The following ST3GAL4 variants were observed in gnomAD, a reference collection of about 807,000 sequenced individuals.
The protein encoded by ST3GAL4 is ST3 beta-galactoside alpha-2,3-sialyltransferase 4.
A neutral mutation model predicts 42.6 loss-of-function variants in ST3GAL4; 24 were observed. That is an observed-to-expected ratio of 0.56 (90% confidence interval 0.41 to 0.79). The LOEUF is 0.79. Ranked by LOEUF, ST3GAL4 falls within the 30% of genes least tolerant of loss-of-function variation. The probability of loss-of-function intolerance (pLI) is 0.00; values close to 1 mark genes in which losing one functional copy is unlikely to be tolerated. For missense variants in ST3GAL4, 311 were observed against 430.8 expected (o/e 0.72, Z 2.46); for synonymous variants, 135 against 163.2 (o/e 0.83, Z 1.32).
intron 1 of ST3GAL4, among the ~76,000 whole-genome samples, chr11:126,365,927 G>T (rs867295610): frequency 3.4e-4 from 52 of 152,314 alleles, no homozygotes; most frequent in Middle Eastern, 3.4e-3. Flanking sequence ...GCCACAGGCT[G>T]CCCTGGGACA....
At chr11:126,382,124 C>T (rs618902) in intron 1 of ST3GAL4, among the ~76,000 whole-genome samples, 16 of 151,286 alleles carry the variant, frequency 1.1e-4, no homozygotes, top group South Asian at 4.2e-4. Flanking sequence ...GAGCAAGAAG[C>T]GAATGTTCTC....
rs1953233689 is a variant in ST3GAL4, at chr11:126,386,549, T to C, written c.-60-19547T>C. 6.6e-6 allele frequency among the ~76,000 whole-genome samples: 1 copy of C among 152,078 alleles called. No homozygotes were observed. The highest frequency in any genetic ancestry group is 6.5e-5 in the Admixed American group (1 of 15,278). Reference sequence around the variant, plus strand: ...GTGGCTCTCCTGGGACACAGGTTAGTCCTGTGGGTGACCTCACTTTAGAGA... The same window carrying C: ...GTGGCTCTCCTGGGACACAGGTTAGCCCTGTGGGTGACCTCACTTTAGAGA... On this transcript the variant is annotated intron_variant, in intron 1 of 10. Coordinates refer to ENST00000444328, the MANE Select transcript of ST3GAL4 (RefSeq NM_001254757.2). This position sits in a 1 kb window ranked among gnomAD's most constrained non-coding sequence, Gnocchi z 4.7.
At chr11:126,361,992 C>T (rs1483034040) in intron 1 of ST3GAL4, among the ~76,000 whole-genome samples, 1 of 149,616 alleles carries the variant, frequency 6.7e-6, no homozygotes, top group Non-Finnish European at 1.5e-5. Flanking sequence ...AGTGATTCTC[C>T]TGCCTCAGCC....
At chr11:126,375,342 G>A (rs1019287437) in intron 1 of ST3GAL4, among the ~76,000 whole-genome samples, 4 of 152,334 alleles carry the variant, frequency 2.6e-5, no homozygotes, top group Non-Finnish European at 4.4e-5. Flanking sequence ...CTTCGTCACT[G>A]TGCGGAGCCT....
At chr11:126,361,573 G>T (rs906524744) in intron 1 of ST3GAL4, among the ~76,000 whole-genome samples, 104 of 151,976 alleles carry the variant, frequency 6.8e-4, no homozygotes, top group African/African-American at 2.4e-3. Flanking sequence ...GGAAGCCTCC[G>T]TGGCCACCCA....
rs565052759 is a variant in ST3GAL4 at position 126,381,097 on chromosome 11, G to T, written c.-60-24999G>T. 2.0e-5 allele frequency among the ~76,000 whole-genome samples: 3 copies of T among 152,326 alleles called. No individual in the cohort carries two copies. In the South Asian group the frequency reaches 6.2e-4, roughly 32 times the overall value. ...CAACCCGGGCCTGTGGTGCTGTCCT[G>T]CCCCTAGCCCAGAGCTGGCCTCTGT... On this transcript the variant is annotated intron_variant, in intron 1 of 10. Coordinates refer to ENST00000444328, the MANE Select transcript of ST3GAL4 (RefSeq NM_001254757.2).
chr11:126,369,914 G>GT (rs1412205163), intron 1 of ST3GAL4, among the ~76,000 whole-genome samples: 2 of 152,162 alleles, frequency 1.3e-5, no homozygotes, highest in African/African-American at 4.8e-5. Flanking sequence ...GGAGATCACT[G>GT]TTTTACACCT....
At chr11:126,388,679 T>TTTTTTTTTTTTTTTTTTTTTTTTC (rs1239186575) in intron 1 of ST3GAL4, among the ~76,000 whole-genome samples, 4 of 122,642 alleles carry the variant, frequency 3.3e-5, no homozygotes, top group African/African-American at 1.0e-4. Context: ...TTTTTTTTTT[T>TTTTTTTTTTTTTTTTTTTTTTTTC]TTCTGATTTA....
rs757054521 is a variant in ST3GAL4 at position 126,378,642 on chromosome 11, C to T, written c.-61+22800C>T. On this transcript the variant is annotated intron_variant, in intron 1 of 10. Coordinates refer to ENST00000444328, the MANE Select transcript of ST3GAL4 (RefSeq NM_001254757.2). This position sits in a 1 kb window ranked among gnomAD's most constrained non-coding sequence, Gnocchi z 5.3. ...CAGGATGGTCTCGATCTCCTGACCT[C>T]GTGATCCACCCTCCTCGGCCCCCCA... 6.6e-6 allele frequency among the ~76,000 whole-genome samples: 1 copy of T among 152,144 alleles called. No homozygotes were observed. The highest frequency in any genetic ancestry group is 1.5e-5 in the Non-Finnish European group (1 of 68,026).
chr11:126,385,250 G>C (rs974408431), intron 1 of ST3GAL4, among the ~76,000 whole-genome samples: 2 of 151,812 alleles, frequency 1.3e-5, no homozygotes, highest in Admixed American at 6.6e-5. Context: ...TGCCTCCCGG[G>C]TTCACACCAT....
chr11:126,391,679 T>C lies in ST3GAL4; in HGVS notation c.-60-14417T>C, dbSNP rs1463655135. 6.6e-6 allele frequency among the ~76,000 whole-genome samples: 1 copy of C among 151,836 alleles called. No homozygotes were observed. Among genetic ancestry groups the C allele is most frequent in the African/African-American group, 2.4e-5 (1 of 41,318 alleles). ...ACAAGGTCCTGTGTAGCATCTGGTG[T>C]GGACCCAGCAGCCAGGAGGAGAGCT... On this transcript the variant is annotated intron_variant, in intron 1 of 10. Coordinates refer to ENST00000444328, the MANE Select transcript of ST3GAL4 (RefSeq NM_001254757.2). This position sits in a 1 kb window ranked among gnomAD's most constrained non-coding sequence, Gnocchi z 5.5.
intron 1 of ST3GAL4, among the ~76,000 whole-genome samples, chr11:126,371,192 TCTCA>T (rs1400268953): frequency 2.4e-5 from 3 of 123,856 alleles, no homozygotes; most frequent in African/African-American, 9.4e-5. Flanking sequence ...TGAGATGGAG[TCTCA>T]CTCTGTTGCC....
chr11:126,402,787 A>G (rs755445365), intron 1 of ST3GAL4, among the ~76,000 whole-genome samples: 4 of 152,150 alleles, frequency 2.6e-5, no homozygotes, highest in Non-Finnish European at 5.9e-5. Flanking sequence ...CTTGTCCCCC[A>G]GTTCTGCCCT....
intron 1 of ST3GAL4, chr11:126,403,137 T>G (rs1954081159): frequency 1.3e-5 from 2 of 154,334 alleles, no homozygotes; most frequent in South Asian, 4.1e-4. Context: ...TGAGCAATCC[T>G]CACCCTCAGC....
Position 126,382,569 on chromosome 11 carries a change from C to A in ST3GAL4, c.-60-23527C>A, listed in dbSNP as rs567022596. Among the ~76,000 whole-genome samples the A allele has an allele frequency of 3.2e-4, 49 of 152,068 alleles. No individual in the cohort carries two copies. In the East Asian group the frequency reaches 8.7e-3, roughly 27 times the overall value. On this transcript the variant is annotated intron_variant, in intron 1 of 10. Transcript: ENST00000444328. Reference sequence around the variant, plus strand: ...GAGGAGGAGGAGGCGCTGGCCAGGACCTTAGATTACGCAGGGCTTGGTGTT... The same window carrying A: ...GAGGAGGAGGAGGCGCTGGCCAGGAACTTAGATTACGCAGGGCTTGGTGTT...
intron 1 of ST3GAL4, among the ~76,000 whole-genome samples, chr11:126,402,467 AAAG>A (rs1228816511): frequency 4.6e-4 from 69 of 151,528 alleles, no homozygotes; most frequent in African/African-American, 1.1e-3. Context: ...AAAAAAAAAA[AAAG>A]AAGAAGAAGA....
At position 126,408,431 on chromosome 11, in the gene ST3GAL4, G is replaced by A. The variant is rs1252070575; in HGVS notation, c.562G>A (p.Val188Ile). The A allele has an allele frequency of 1.1e-5, 17 of 1,614,102 alleles. No homozygotes were observed. The highest frequency in any genetic ancestry group is 2.2e-5 in the East Asian group (1 of 44,890). Reference protein sequence around the residue: ...KVENNPDTLLVLVAFKAMDFH... With the variant: ...KVENNPDTLLILVAFKAMDFH... ...AGAAAACAACCCAGACACACTCCTC[G>A]TCCTGGTAGCTTTCAAGGCAATGGA... Residue 188 changes from valine to isoleucine, a missense_variant, in exon 8 of 11, where the codon GTC becomes ATC. Physicochemically the swap from Val to Ile is conservative, Grantham distance 29. Transcript: ENST00000444328.
chr11:126,413,796 C>A (rs1954630857), intron 10 of ST3GAL4, 148 bp downstream of exon 10: 1 of 1,412,198 alleles, frequency 7.1e-7, no homozygotes, highest in Non-Finnish European at 9.7e-7. Flanking sequence ...CCCTGGCCAG[C>A]ATCCTCCATG....
intron 10 of ST3GAL4, 40 bp from the exon 11 acceptor site, chr11:126,413,921 C>G (rs758558183): frequency 6.2e-7 from 1 of 1,609,784 alleles, no homozygotes; most frequent in South Asian, 1.1e-5. Context: ...AGAGAGGTCC[C>G]TGGGAGTCCC....
Sources: gnomAD v4.1 joint callset for allele counts (sites outside exome capture counted in the v4.1 genomes callset) on GRCh38, gnomAD v4.1.1 for gene constraint, Gnocchi (gnomAD v3.1) non-coding constraint, MANE v1.5 for transcripts, NCBI Gene and HGNC (gene_info 2026-07-23, HGNC 2026-07-21) for gene names.